WDFY2: variants seen among roughly 807,000 people sequenced by gnomAD.
WDFY2 encodes the protein WD repeat and FYVE domain-containing protein 2.
A neutral mutation model predicts 56.4 loss-of-function variants in WDFY2; 36 were observed. That is an observed-to-expected ratio of 0.64 (90% CI 0.49 to 0.84). WDFY2 has a LOEUF of 0.84. Among genes scored for constraint, WDFY2 ranks in the 40% least tolerant of loss-of-function variants. The pLI is 0.00. For synonymous variants in WDFY2, 176 were observed against 183.7 expected (o/e 0.96, Z 0.34); for missense variants, 444 against 512.2 (o/e 0.87, Z 1.29).
chr13:51,670,489 G>A (rs1165298196), intron 2 of WDFY2, among the ~76,000 whole-genome samples: 2 of 131,420 alleles, frequency 1.5e-5, no homozygotes, highest in South Asian at 2.7e-4. Flanking sequence ...GTGCGCACAT[G>A]CACACACACA....
chr13:51,647,621 G>A (rs753286600), intron 1 of WDFY2, among the ~76,000 whole-genome samples: 3 of 152,086 alleles, frequency 2.0e-5, no homozygotes, highest in Non-Finnish European at 4.4e-5. Flanking sequence ...AGCCAGGTAT[G>A]GTGGTGAGCA....
At chr13:51,649,811 G>A (rs1226991428) in intron 1 of WDFY2, among the ~76,000 whole-genome samples, 1 of 152,062 alleles carries the variant, frequency 6.6e-6, no homozygotes, top group African/African-American at 2.4e-5. Context: ...TGCTGTTTTG[G>A]TTACTGTAGC....
At chr13:51,673,993 A>G (rs1955846420) in intron 2 of WDFY2, among the ~76,000 whole-genome samples, 1 of 152,140 alleles carries the variant, frequency 6.6e-6, no homozygotes, top group African/African-American at 2.4e-5. Context: ...AGAATGAAAA[A>G]TATGTTACTA....
chr13:51,764,856 T>A lies in WDFY2; in HGVS notation c.*5087T>A, dbSNP rs1279562238. On this transcript the variant is annotated 3_prime_UTR_variant, in exon 12 of 12. Transcript: ENST00000298125. ...AGGACTCCCAGACTAACGCCAAAGG[T>A]GTGTTGGGCTCAGCTGCTCCACTGT... 1 of 152,020 alleles carries A rather than the reference T, an allele frequency of 6.6e-6. No homozygotes were observed. Among genetic ancestry groups the A allele is most frequent in the African/African-American group, 2.4e-5 (1 of 41,288 alleles). The allele number at this position is 152,020 out of a possible 1,614,324, so 9.4% of individuals were successfully genotyped here. A position where few individuals can be genotyped will look rare whatever the true frequency, so the allele number is the denominator to read the frequency against.
intron 1 of WDFY2, among the ~76,000 whole-genome samples, chr13:51,636,422 G>A (rs1335747118): frequency 6.6e-6 from 1 of 152,194 alleles, no homozygotes; most frequent in Non-Finnish European, 1.5e-5. Flanking sequence ...GAGGCAAAGA[G>A]GGAATTAACC....
intron 4 of WDFY2, among the ~76,000 whole-genome samples, chr13:51,717,245 G>T (rs569899539): frequency 2.6e-4 from 40 of 152,124 alleles, no homozygotes; most frequent in African/African-American, 8.2e-4. Flanking sequence ...TTCAATAAAA[G>T]AATCTTTTTC....
At chr13:51,752,154 C>T (rs993599255) in intron 8 of WDFY2, among the ~76,000 whole-genome samples, 2 of 152,172 alleles carry the variant, frequency 1.3e-5, no homozygotes, top group South Asian at 2.1e-4. Context: ...GGGTCTCCCA[C>T]GTTCTTTCTG....
chr13:51,687,781 T>G (rs937104023), intron 3 of WDFY2, among the ~76,000 whole-genome samples: 1 of 152,158 alleles, frequency 6.6e-6, no homozygotes, highest in Non-Finnish European at 1.5e-5. Flanking sequence ...TGATCACTGA[T>G]AGCTTTCATT....
intron 1 of WDFY2, among the ~76,000 whole-genome samples, chr13:51,650,511 TC>T (rs1190573242): frequency 1.1e-4 from 16 of 152,212 alleles, no homozygotes; most frequent in Non-Finnish European, 2.2e-4. Flanking sequence ...AGGGAATGCT[TC>T]CAGTTTTTGC....
chr13:51,734,194 G>T (rs923284194), intron 6 of WDFY2, among the ~76,000 whole-genome samples: 1 of 152,002 alleles, frequency 6.6e-6, no homozygotes, highest in Non-Finnish European at 1.5e-5. Flanking sequence ...ACTCCACGTG[G>T]TCATTCACTT....
intron 6 of WDFY2, among the ~76,000 whole-genome samples, chr13:51,728,298 T>C (rs1219185744): frequency 1.3e-5 from 2 of 152,220 alleles, no homozygotes; most frequent in Non-Finnish European, 2.9e-5. Flanking sequence ...TCATATCCTT[T>C]TCAGGTTAAA....
intron 5 of WDFY2, among the ~76,000 whole-genome samples, chr13:51,720,975 T>TCA (rs895425290): frequency 3.3e-5 from 5 of 151,300 alleles, no homozygotes; most frequent in East Asian, 1.9e-4. Context: ...TCTCTCTATT[T>TCA]CACACACACA....
chr13:51,692,455 G>C (rs1045042430), intron 3 of WDFY2, among the ~76,000 whole-genome samples: 1 of 152,192 alleles, frequency 6.6e-6, no homozygotes, highest in African/African-American at 2.4e-5. Context: ...AGATAATCAT[G>C]TGGTTTTTCT....
intron 4 of WDFY2, among the ~76,000 whole-genome samples, chr13:51,706,974 G>C (rs1403304367): frequency 6.6e-6 from 1 of 151,948 alleles, no homozygotes; most frequent in Non-Finnish European, 1.5e-5. Flanking sequence ...AAAGTTTCAG[G>C]AACAACAAGG....
At chr13:51,624,871 A>G (rs1292963583) in intron 1 of WDFY2, among the ~76,000 whole-genome samples, 2 of 152,236 alleles carry the variant, frequency 1.3e-5, no homozygotes, top group Non-Finnish European at 2.9e-5. Context: ...GGTTTTCAGC[A>G]GGCCAGTGTG....
At chr13:51,693,491 T>C (rs932871958) in intron 3 of WDFY2, among the ~76,000 whole-genome samples, 18 of 152,098 alleles carry the variant, frequency 1.2e-4, no homozygotes, top group African/African-American at 4.3e-4. Flanking sequence ...AGTTGAGCCG[T>C]TTTGAGTGAG....
intron 11 of WDFY2, among the ~76,000 whole-genome samples, chr13:51,759,421 T>C (rs1953508744): frequency 6.6e-6 from 1 of 152,226 alleles, no homozygotes; most frequent in Non-Finnish European, 1.5e-5. Context: ...AACACAGTGC[T>C]CTGCAGCATT....
At chr13:51,650,905 G>A (rs1955367921) in intron 1 of WDFY2, among the ~76,000 whole-genome samples, 1 of 152,130 alleles carries the variant, frequency 6.6e-6, no homozygotes, top group Non-Finnish European at 1.5e-5. Context: ...CCAGGCTTTG[G>A]TATCAGGATG....
At chr13:51,617,428 C>T (rs568337473) in intron 1 of WDFY2, among the ~76,000 whole-genome samples, 2 of 152,160 alleles carry the variant, frequency 1.3e-5, no homozygotes, top group South Asian at 2.1e-4. Context: ...CAACCTCTGC[C>T]TCCTGGGTTC....
Sources: gnomAD v4.1 joint callset for allele counts (sites outside exome capture counted in the v4.1 genomes callset) on GRCh38, gnomAD v4.1.1 for gene constraint, MANE v1.5 for transcripts, NCBI Gene and HGNC (gene_info 2026-07-23, HGNC 2026-07-21) for gene names.